The following GABBR2 variants were observed in gnomAD, a reference collection of about 807,000 sequenced individuals.
GABBR2 encodes the protein gamma-aminobutyric acid type B receptor subunit 2.
In GABBR2, 23 loss-of-function variants were observed where a neutral mutation model predicts 105.6. The ratio of observed to expected loss-of-function variants is 0.22; its 90% CI spans 0.16 to 0.31. The LOEUF (loss-of-function observed/expected upper bound fraction) is 0.31. Ranked by LOEUF, GABBR2 falls within the 10% of genes least tolerant of loss-of-function variation. The probability of loss-of-function intolerance (pLI) is 1.00; values close to 1 mark genes in which losing one functional copy is unlikely to be tolerated. For missense variants in GABBR2, 734 were observed against 1,245.5 expected (o/e 0.59, Z 6.18); for synonymous variants, 478 against 499.7 (o/e 0.96, Z 0.58).
chr9:98,446,079 T>G (rs1464686732), intron 7 of GABBR2, among the ~76,000 whole-genome samples: 1 of 152,214 alleles, frequency 6.6e-6, no homozygotes. Context: ...GTTTACTTGG[T>G]TCTGTGTGGA....
At chr9:98,436,300 T>TAC (rs2131579868) in intron 7 of GABBR2, among the ~76,000 whole-genome samples, 1 of 114,328 alleles carries the variant, frequency 8.7e-6, no homozygotes, top group African/African-American at 3.5e-5. Flanking sequence ...TATATATATA[T>TAC]ATACCCATAA....
At chr9:98,343,933 C>T (rs905502779) in intron 13 of GABBR2, among the ~76,000 whole-genome samples, 8 of 152,152 alleles carry the variant, frequency 5.3e-5, no homozygotes, top group Admixed American at 6.5e-5. Flanking sequence ...ACTGTCAATT[C>T]GTGGCCCTAA....
intron 1 of GABBR2, among the ~76,000 whole-genome samples, chr9:98,655,650 G>T (rs999837714): frequency 6.6e-6 from 1 of 152,162 alleles, no homozygotes; most frequent in Non-Finnish European, 1.5e-5. Flanking sequence ...GGAATACTAT[G>T]CAGCCATAAA....
chr9:98,543,900 A>G (rs1404289136), intron 2 of GABBR2, among the ~76,000 whole-genome samples: 1 of 151,916 alleles, frequency 6.6e-6, no homozygotes, highest in African/African-American at 2.4e-5. Flanking sequence ...GGATGAATTT[A>G]TCAGTTTTTT....
intron 1 of GABBR2, among the ~76,000 whole-genome samples, chr9:98,707,934 C>T (rs1247773965): frequency 6.6e-6 from 1 of 152,248 alleles, no homozygotes; most frequent in African/African-American, 2.4e-5. Context: ...CCGGAGCCTT[C>T]CGGACCTCAA....
chr9:98,656,244 G>A (rs1305889703), intron 1 of GABBR2, among the ~76,000 whole-genome samples: 3 of 152,106 alleles, frequency 2.0e-5, no homozygotes, highest in Admixed American at 6.5e-5. Flanking sequence ...TGGATATGGC[G>A]GAGAGGAGGA....
At chr9:98,436,179 C>T (rs1288858413) in intron 7 of GABBR2, among the ~76,000 whole-genome samples, 2 of 149,092 alleles carry the variant, frequency 1.3e-5, no homozygotes, top group East Asian at 4.1e-4. Context: ...TGATGATAAA[C>T]CTTCCATGGC....
chr9:98,552,519 G>A (rs552046419), intron 2 of GABBR2, among the ~76,000 whole-genome samples: 2 of 152,276 alleles, frequency 1.3e-5, no homozygotes, highest in Admixed American at 6.5e-5. Context: ...TCAGGTCTGC[G>A]CCAGGTCGCC....
In GABBR2 at chr9:98,640,226, AT is replaced by A. The variant is rs1262461360; in HGVS notation, c.322-62155del. ...GGGGCAGGGTCTTATTCACTTTTGG[AT>A]CTGCTGTACCTATAGCACACAGTAG... On this transcript the variant is annotated intron_variant, in intron 1 of 18. Coordinates refer to ENST00000259455, the MANE Select transcript of GABBR2 (RefSeq NM_005458.8). Among the ~76,000 whole-genome samples, 23 of 151,764 alleles carry A rather than the reference AT, an allele frequency of 1.5e-4. No individual in the cohort carries two copies. The South Asian group carries it at 4.6e-3, about 30-fold the overall frequency.
intron 1 of GABBR2, among the ~76,000 whole-genome samples, chr9:98,633,843 T>C (rs1447118458): frequency 6.6e-6 from 1 of 152,132 alleles, no homozygotes; most frequent in Non-Finnish European, 1.5e-5. Flanking sequence ...AGAGGAGTCC[T>C]GTGTTTCTCA....
chr9:98,623,789 G>C (rs1400714913), intron 1 of GABBR2, among the ~76,000 whole-genome samples: 2 of 152,204 alleles, frequency 1.3e-5, no homozygotes, highest in African/African-American at 4.8e-5. Context: ...ATCCAGGATA[G>C]TCTCCCATCT....
chr9:98,704,259 G>A (rs548992883), intron 1 of GABBR2, among the ~76,000 whole-genome samples: 3 of 152,224 alleles, frequency 2.0e-5, no homozygotes, highest in South Asian at 2.1e-4. Flanking sequence ...AAGATATTTG[G>A]CAAAGCCACT....
chr9:98,605,716 G>T (rs1424614351), intron 1 of GABBR2, among the ~76,000 whole-genome samples: 1 of 152,148 alleles, frequency 6.6e-6, no homozygotes, highest in South Asian at 2.1e-4. Flanking sequence ...ACTTAACCTC[G>T]TAGCATCCCA....
chr9:98,349,344 GTTTTGTTTTT>G lies in GABBR2; in HGVS notation c.1893+13361_1893+13370del, dbSNP rs1226700727. 8.8e-4 allele frequency among the ~76,000 whole-genome samples: 93 copies of G among 105,476 alleles called. 5 individuals are homozygous for G. The highest frequency in any genetic ancestry group is 1.5e-3 in the Admixed American group (15 of 9,692). The allele number at this position is 105,476 out of a possible 152,430, so 69.2% of individuals were successfully genotyped here. A position where few individuals can be genotyped will look rare whatever the true frequency, so the allele number is the denominator to read the frequency against. ...TTTGGTTTGCCAATATTTTGTTGAA[GTTTTGTTTTT>G]TTTTTTTTTTTTTTTTTTTTTTTTT... On this transcript the variant is annotated intron_variant, in intron 13 of 18. Coordinates refer to ENST00000259455, the MANE Select transcript of GABBR2 (RefSeq NM_005458.8).
intron 10 of GABBR2, among the ~76,000 whole-genome samples, chr9:98,386,688 C>T (rs1215523231): frequency 1.3e-5 from 2 of 152,152 alleles, no homozygotes; most frequent in Non-Finnish European, 2.9e-5. Flanking sequence ...TTTTAGGCGC[C>T]CTGTGGTTGA....
intron 1 of GABBR2, among the ~76,000 whole-genome samples, chr9:98,659,277 T>C (rs1295762194): frequency 6.6e-6 from 1 of 152,246 alleles, no homozygotes; most frequent in Non-Finnish European, 1.5e-5. Flanking sequence ...TTTTACAATT[T>C]TCCAGCTGAG....
At chr9:98,587,797 A>G (rs867700464) in intron 1 of GABBR2, among the ~76,000 whole-genome samples, 2 of 152,342 alleles carry the variant, frequency 1.3e-5, no homozygotes, top group Admixed American at 6.5e-5. Flanking sequence ...TTGGAAACAA[A>G]TATTTTCTGT....
chr9:98,602,539 C>T, intron 1 of GABBR2, among the ~76,000 whole-genome samples: 1 of 152,018 alleles, frequency 6.6e-6, no homozygotes, highest in Admixed American at 6.6e-5. Flanking sequence ...GATCCTCCCT[C>T]CTAGACCTCC....
At chr9:98,404,199 C>A (rs1290665672) in intron 8 of GABBR2, among the ~76,000 whole-genome samples, 13 of 145,036 alleles carry the variant, frequency 9.0e-5, no homozygotes, top group Non-Finnish European at 9.1e-5. Context: ...TGCAATCACT[C>A]AAAAAAAAAA....
Sources: gnomAD v4.1 joint callset for allele counts (sites outside exome capture counted in the v4.1 genomes callset) on GRCh38, gnomAD v4.1.1 for gene constraint, MANE v1.5 for transcripts, NCBI Gene and HGNC (gene_info 2026-07-23, HGNC 2026-07-21) for gene names.